Variants in ADGRL3 observed in about 807,000 individuals in gnomAD.
ADGRL3 encodes adhesion G protein-coupled receptor L3.
A neutral mutation model predicts 153.5 loss-of-function variants in ADGRL3; 62 were observed. The ratio of observed to expected loss-of-function variants is 0.40; its 90% CI spans 0.33 to 0.50. The LOEUF is 0.50. Among genes scored for constraint, ADGRL3 ranks in the 20% least tolerant of loss-of-function variants. ADGRL3 has a pLI of 0.47. For missense variants in ADGRL3, 1,641 were observed against 1,859.4 expected (o/e 0.88, Z 2.16); for synonymous variants, 710 against 672.5 (o/e 1.06, Z -0.86).
intron 8 of ADGRL3, among the ~76,000 whole-genome samples, chr4:61,734,435 CA>C (rs1452157668): frequency 1.3e-5 from 2 of 152,124 alleles, no homozygotes. Context: ...AGGAAACTTA[CA>C]ATCATAGCAG....
At chr4:61,767,041 A>G (rs2096993266) in intron 8 of ADGRL3, among the ~76,000 whole-genome samples, 1 of 151,936 alleles carries the variant, frequency 6.6e-6, no homozygotes, top group Non-Finnish European at 1.5e-5. Context: ...GTGGGATGGG[A>G]TATTGGCGTT....
At chr4:61,969,295 G>A (rs1263792796) in intron 17 of ADGRL3, among the ~76,000 whole-genome samples, 6 of 151,764 alleles carry the variant, frequency 4.0e-5, no homozygotes, top group Non-Finnish European at 5.9e-5. Context: ...ATTTTTTTGG[G>A]GGGTGGGAGG....
At chr4:61,513,900 T>C (rs139896457) in intron 3 of ADGRL3, among the ~76,000 whole-genome samples, 1 of 152,304 alleles carries the variant, frequency 6.6e-6, no homozygotes, top group East Asian at 1.9e-4. Flanking sequence ...ATCTTAAAAT[T>C]ACATGCAACA....
intron 1 of ADGRL3, among the ~76,000 whole-genome samples, chr4:61,372,924 C>T (rs111748489): frequency 5.9e-5 from 9 of 152,362 alleles, no homozygotes; most frequent in African/African-American, 2.2e-4. Flanking sequence ...GGGATATAAT[C>T]TCGTGGTGCG....
intron 6 of ADGRL3, among the ~76,000 whole-genome samples, chr4:61,721,837 G>A (rs551159708): frequency 6.6e-6 from 1 of 152,270 alleles, no homozygotes; most frequent in Admixed American, 6.5e-5. Context: ...GAAGCTTCAT[G>A]TAGGTTTTAC....
chr4:61,465,995 A>G (rs1398660292), intron 2 of ADGRL3, among the ~76,000 whole-genome samples: 2 of 151,588 alleles, frequency 1.3e-5, no homozygotes, highest in Admixed American at 1.3e-4. Context: ...GGCAGCATGT[A>G]CTTGTAATCC....
At chr4:61,250,211 G>A (rs1309032847) in intron 1 of ADGRL3, among the ~76,000 whole-genome samples, 1 of 152,082 alleles carries the variant, frequency 6.6e-6, no homozygotes, top group Non-Finnish European at 1.5e-5. Flanking sequence ...AAATTTTGGG[G>A]ACTACAGAAT....
chr4:61,889,737 A>G (rs1358471541), intron 9 of ADGRL3, among the ~76,000 whole-genome samples: 1 of 152,234 alleles, frequency 6.6e-6, no homozygotes, highest in Non-Finnish European at 1.5e-5. Flanking sequence ...AAATACATAT[A>G]TCACACAGCA....
chr4:61,463,490 G>A (rs1271689388), intron 2 of ADGRL3, among the ~76,000 whole-genome samples: 2 of 152,082 alleles, frequency 1.3e-5, no homozygotes, highest in African/African-American at 4.8e-5. Context: ...AAGAGCAAGG[G>A]GGAAATCTGC....
chr4:61,228,715 C>T (rs1170784505), intron 1 of ADGRL3, among the ~76,000 whole-genome samples: 2 of 152,054 alleles, frequency 1.3e-5, no homozygotes, highest in African/African-American at 2.4e-5. Context: ...AAATTAAATC[C>T]CTCTTATTTT....
intron 1 of ADGRL3, among the ~76,000 whole-genome samples, chr4:61,250,033 G>C (rs775747606): frequency 1.2e-4 from 19 of 152,106 alleles, no homozygotes; most frequent in Non-Finnish European, 2.2e-4. Context: ...TATGTGCTTT[G>C]TTTTGCAATT....
intron 1 of ADGRL3, among the ~76,000 whole-genome samples, chr4:61,221,520 T>G (rs1745549661): frequency 6.6e-6 from 1 of 152,186 alleles, no homozygotes; most frequent in Non-Finnish European, 1.5e-5. Context: ...TGAAAATATT[T>G]TTTTTGAAAG....
intron 6 of ADGRL3, among the ~76,000 whole-genome samples, chr4:61,686,662 C>T (rs1383271432): frequency 6.6e-6 from 1 of 151,992 alleles, no homozygotes; most frequent in African/African-American, 2.4e-5. Context: ...TACTCTCTTC[C>T]ATCTATTCTG....
intron 5 of ADGRL3, among the ~76,000 whole-genome samples, chr4:61,668,676 T>TA (rs1198244442): frequency 1.3e-5 from 2 of 152,148 alleles, no homozygotes; most frequent in Non-Finnish European, 2.9e-5. Context: ...TCCTCTGAAA[T>TA]ATCCTATAGT....
chr4:61,706,318 A>T (rs2095856961), intron 6 of ADGRL3, among the ~76,000 whole-genome samples: 1 of 151,298 alleles, frequency 6.6e-6, no homozygotes, highest in Non-Finnish European at 1.5e-5. Flanking sequence ...GCTACTCGGG[A>T]GGCTGAGGCA....
chr4:61,664,531 A>AT (rs2094715349), intron 5 of ADGRL3, among the ~76,000 whole-genome samples: 1 of 151,930 alleles, frequency 6.6e-6, no homozygotes, highest in African/African-American at 2.4e-5. Flanking sequence ...CTTTTTTTTA[A>AT]TTTTTTCATT....
intron 8 of ADGRL3, 102 bp from the exon 9 acceptor site, chr4:61,813,707 T>C (rs17226265): frequency 0.029 from 39,046 of 1,347,514 alleles, 1,124 homozygotes; most frequent in African/African-American, 0.12. Flanking sequence ...TTTAGGCTAT[T>C]AATTCAGTTT....
At chr4:61,780,017 G>T (rs149837352) in intron 8 of ADGRL3, among the ~76,000 whole-genome samples, 138 of 152,288 alleles carry the variant, frequency 9.1e-4, no homozygotes, top group Non-Finnish European at 1.5e-3. Flanking sequence ...GTTTGGAAAA[G>T]AATCCCTGTT....
chr4:61,530,364 C>G (rs1004529026), intron 4 of ADGRL3, among the ~76,000 whole-genome samples: 1 of 150,026 alleles, frequency 6.7e-6, no homozygotes, highest in Non-Finnish European at 1.5e-5. Flanking sequence ...TCTTGCCATA[C>G]AGAAATTGGG....
Sources: gnomAD v4.1 joint callset for allele counts (sites outside exome capture counted in the v4.1 genomes callset) on GRCh38, gnomAD v4.1.1 for gene constraint, MANE v1.5 for transcripts, NCBI Gene and HGNC (gene_info 2026-07-23, HGNC 2026-07-21) for gene names.